Variants in C10orf143 observed in about 807,000 individuals in gnomAD.
The protein encoded by C10orf143 is chromosome 10 open reading frame 143, also known as uncharacterized protein C10orf143.
intron 1 of C10orf143, among the ~76,000 whole-genome samples, chr10:130,088,807 T>A (rs1365146895): frequency 6.6e-6 from 1 of 152,204 alleles, no homozygotes; most frequent in Non-Finnish European, 1.5e-5. Flanking sequence ...ATTCCTTTCC[T>A]ATGACATTTT....
intron 3 of C10orf143, among the ~76,000 whole-genome samples, chr10:130,046,338 G>T (rs1487554117): frequency 6.6e-6 from 1 of 152,022 alleles, no homozygotes. Flanking sequence ...TGTGCACGCC[G>T]CTCCCCCGCC....
intron 3 of C10orf143, among the ~76,000 whole-genome samples, chr10:130,050,424 CGT>C (rs1860723946): frequency 1.3e-5 from 2 of 152,208 alleles, no homozygotes; most frequent in African/African-American, 4.8e-5. Flanking sequence ...GACGTGGCAG[CGT>C]GCGCCTGTGG....
intron 3 of C10orf143, among the ~76,000 whole-genome samples, chr10:130,038,104 T>C (rs986278270): frequency 2.0e-5 from 3 of 152,170 alleles, no homozygotes; most frequent in African/African-American, 7.2e-5. Flanking sequence ...AATTGCTTCC[T>C]ACCCAAGATG....
At chr10:130,092,987 T>C (rs1432930720) in intron 1 of C10orf143, among the ~76,000 whole-genome samples, 3 of 152,128 alleles carry the variant, frequency 2.0e-5, no homozygotes, top group Non-Finnish European at 2.9e-5. Flanking sequence ...TAACACCCCA[T>C]TGTCAATATT....
downstream of C10orf143, among the ~76,000 whole-genome samples, chr10:130,061,016 T>C (rs1441334004): frequency 1.3e-5 from 2 of 151,836 alleles, no homozygotes; most frequent in African/African-American, 4.8e-5. Flanking sequence ...CACATGCCTG[T>C]GGTCCCAGCT....
intron 1 of C10orf143, among the ~76,000 whole-genome samples, chr10:130,083,425 C>A (rs1266914571): frequency 6.6e-6 from 1 of 152,156 alleles, no homozygotes; most frequent in African/African-American, 2.4e-5. Context: ...CATACACCTC[C>A]AACGATATGG....
At chr10:130,063,210 G>A (rs1338777446), downstream of C10orf143, among the ~76,000 whole-genome samples, 1 of 152,180 alleles carries the variant, frequency 6.6e-6, no homozygotes, top group Non-Finnish European at 1.5e-5. Flanking sequence ...CTGACACCGG[G>A]TGGACACCTG....
At position 130,040,472 on chromosome 10, in the gene C10orf143, C is replaced by A. The variant is rs189973571; in HGVS notation, c.298-4502G>T. 4.6e-5 allele frequency among the ~76,000 whole-genome samples: 7 copies of A among 152,338 alleles called. No individual in the cohort carries two copies. The East Asian group carries it at 9.6e-4, about 21-fold the overall frequency. ...AGTACTGAGTCACATTCTTCCTGCA[C>A]ATCAGAATAAGGCAGCAGCAAGTCT... is the stretch of plus-strand genomic sequence containing the variant. On this transcript the variant is annotated intron_variant and NMD_transcript_variant, in intron 3 of 5. Coordinates refer to the C10orf143 transcript ENST00000643056.
rs952767217 is a variant in C10orf143, at chr10:130,105,739, C to A, written c.69+4965G>T. On this transcript the variant is annotated intron_variant, in intron 1 of 3. Coordinates refer to ENST00000637128, the MANE Select transcript of C10orf143 (RefSeq NM_001355042.2). ...GAGTGAGACTCCGTTCCCCTCCCCC[C>A]CCAAACAAAACAAAACAAAACAAAA... Among the ~76,000 whole-genome samples, 5 of 152,058 alleles carry A rather than the reference C, an allele frequency of 3.3e-5. No individual in the cohort carries two copies. In the South Asian group the frequency reaches 1.0e-3, roughly 31 times the overall value.
intron 3 of C10orf143, among the ~76,000 whole-genome samples, chr10:130,053,912 G>A (rs893613876): frequency 5.3e-5 from 8 of 152,342 alleles, no homozygotes; most frequent in African/African-American, 7.2e-5. Context: ...AGATTCTCAC[G>A]TGGGAGAGTG....
At chr10:130,103,641 T>C (rs1463279248) in intron 1 of C10orf143, among the ~76,000 whole-genome samples, 1 of 151,358 alleles carries the variant, frequency 6.6e-6, no homozygotes, top group Non-Finnish European at 1.5e-5. Context: ...ATCCCGTCTC[T>C]ACAAAAAAGT....
At chr10:130,099,046 C>A (rs1861505591) in intron 1 of C10orf143, among the ~76,000 whole-genome samples, 1 of 150,198 alleles carries the variant, frequency 6.7e-6, no homozygotes, top group African/African-American at 2.5e-5. Context: ...CAAGATCATG[C>A]CACTTCACTC....
intron 1 of C10orf143, among the ~76,000 whole-genome samples, chr10:130,093,225 C>T (rs1157936108): frequency 6.6e-6 from 1 of 152,198 alleles, no homozygotes; most frequent in African/African-American, 2.4e-5. Context: ...TCTCAGACCA[C>T]AGTGCAATCA....
chr10:130,045,987 C>T (rs1172035332), intron 3 of C10orf143, among the ~76,000 whole-genome samples: 2 of 151,760 alleles, frequency 1.3e-5, no homozygotes, highest in Non-Finnish European at 2.9e-5. Context: ...GGGTGGGGCT[C>T]TGGGCATGGG....
In C10orf143 at chr10:130,064,217, C is replaced by T. The variant is rs546348025; in HGVS notation, c.*137G>A. ...CTAGAATGAAAGGACAGACAAACCT[C>T]CCCCCACCCACAGAGGACACCGGGC... On this transcript the variant is annotated 3_prime_UTR_variant, in exon 4 of 4. Coordinates refer to ENST00000637128, the MANE Select transcript of C10orf143 (RefSeq NM_001355042.2). The T allele has an allele frequency of 2.6e-6, 1 of 391,596 alleles. No individual in the cohort carries two copies. The highest frequency in any genetic ancestry group is 3.6e-5 in the East Asian group (1 of 27,626). The allele number at this position is 391,596 out of a possible 1,614,324, so 24.3% of individuals were successfully genotyped here.
chr10:130,056,148 T>C lies in C10orf143; in HGVS notation c.298-20178A>G, dbSNP rs142995416. ...AATTTAAAGTAAGTAAATTTAGATG[T>C]CAGAAAGGAAATCTTGTTTGTCCTG... On this transcript the variant is annotated intron_variant and NMD_transcript_variant, in intron 3 of 5. Transcript: ENST00000643056. This position sits in a 1 kb window ranked among gnomAD's most constrained non-coding sequence, Gnocchi z 4.6. Among the ~76,000 whole-genome samples the C allele has an allele frequency of 2.3e-3, 350 of 152,236 alleles. 6 individuals are homozygous for C. The highest frequency in any genetic ancestry group is 8.0e-3 in the African/African-American group (334 of 41,536).
At chr10:130,110,568 C>A (rs1322924911) in intron 1 of C10orf143, 136 bp downstream of exon 1, 1 of 397,160 alleles carries the variant, frequency 2.5e-6, no homozygotes, top group Non-Finnish European at 4.4e-6. Flanking sequence ...CTCCCAGGGA[C>A]GTACGCGAGC....
At chr10:130,064,489 A>G (rs1860896793) in intron 3 of C10orf143, 106 bp from the exon 4 acceptor site, 2 of 394,248 alleles carry the variant, frequency 5.1e-6, no homozygotes, top group Non-Finnish European at 8.9e-6. Context: ...ATTTAAAATG[A>G]CTACTTGTAA....
chr10:130,084,365 C>T lies in C10orf143; in HGVS notation c.70-4464G>A, dbSNP rs188299928. On this transcript the variant is annotated intron_variant, in intron 1 of 3. Coordinates refer to ENST00000637128, the MANE Select transcript of C10orf143 (RefSeq NM_001355042.2). The stretch of plus-strand genomic sequence containing the variant: ...TAGAAACTCAAACGCTAAATAAAGA[C>T]GACAAAAAGCACTGTATAGAAATCC... 5.4e-4 allele frequency among the ~76,000 whole-genome samples: 82 copies of T among 152,086 alleles called. No homozygotes were observed. The Middle Eastern group carries it at 0.014, about 25-fold the overall frequency.
Sources: allele counts gnomAD v4.1 joint callset (sites outside exome capture counted in the v4.1 genomes callset), GRCh38; gene constraint gnomAD v4.1.1; non-coding constraint Gnocchi (gnomAD v3.1); transcripts MANE v1.5; gene names NCBI Gene and HGNC (gene_info 2026-07-23, HGNC 2026-07-21).